The following KSR2 variants were observed in gnomAD, a reference collection of about 807,000 sequenced individuals.
KSR2 encodes kinase suppressor of ras 2.
KSR2 carries 25 observed loss-of-function variants against 107.8 expected under a neutral mutation model. The observed-to-expected ratio is 0.23, with a 90% CI of 0.17 to 0.32. The LOEUF is 0.32. Ranked by LOEUF, KSR2 falls within the 10% of genes least tolerant of loss-of-function variation. KSR2 has a pLI of 1.00. For missense variants in KSR2, 887 were observed against 1,268.9 expected (o/e 0.70, Z 4.57); for synonymous variants, 480 against 507.0 (o/e 0.95, Z 0.71).
chr12:117,722,547 TC>T (rs1406687394), intron 4 of KSR2, among the ~76,000 whole-genome samples: 2 of 152,096 alleles, frequency 1.3e-5, no homozygotes, highest in Non-Finnish European at 2.9e-5. Context: ...ACTGCTACAC[TC>T]CCACCAGCAT....
At position 117,803,403 on chromosome 12, in the gene KSR2, A is replaced by G. The variant is rs1366606049; in HGVS notation, c.473-41879T>C. 5.9e-5 allele frequency among the ~76,000 whole-genome samples: 9 copies of G among 152,300 alleles called. No individual in the cohort carries two copies. In the East Asian group the frequency reaches 1.7e-3, roughly 29 times the overall value. ...CCCCCGACCCCATGCTGGGGAGCTT[A>G]TAGAGAGAGTTGAAATTGGCCAGGC... is the stretch of plus-strand genomic sequence containing the variant. On this transcript the variant is annotated intron_variant, in intron 3 of 19. Transcript: ENST00000339824.
intron 1 of KSR2, among the ~76,000 whole-genome samples, chr12:117,936,357 C>A (rs1404163596): frequency 3.3e-5 from 5 of 151,984 alleles, no homozygotes; most frequent in African/African-American, 1.2e-4. Flanking sequence ...GACACGGTCT[C>A]AATCTGTTGC....
chr12:117,699,361 G>A lies in KSR2; in HGVS notation c.987-31703C>T, dbSNP rs182031012. Reference sequence around the variant, plus strand: ...CAGCAGCCCAATAAAGTACTCATGCGTCACTTAATAAGAGTGATACATCCT... The same window carrying A: ...CAGCAGCCCAATAAAGTACTCATGCATCACTTAATAAGAGTGATACATCCT... On this transcript the variant is annotated intron_variant, in intron 4 of 19. Coordinates refer to ENST00000339824, the MANE Select transcript of KSR2 (RefSeq NM_173598.6). 9.4e-4 allele frequency among the ~76,000 whole-genome samples: 143 copies of A among 152,280 alleles called. 1 individual carries two copies. The highest frequency in any genetic ancestry group is 2.8e-3 in the Admixed American group (43 of 15,302).
At chr12:117,904,692 G>A (rs1182832134) in intron 1 of KSR2, among the ~76,000 whole-genome samples, 2 of 152,086 alleles carry the variant, frequency 1.3e-5, no homozygotes, top group African/African-American at 2.4e-5. Flanking sequence ...AGAACATAGT[G>A]GCTTTAAGTA....
intron 11 of KSR2, among the ~76,000 whole-genome samples, chr12:117,531,262 G>T (rs1201238740): frequency 6.6e-6 from 1 of 152,068 alleles, no homozygotes; most frequent in Non-Finnish European, 1.5e-5. Context: ...CAAATATCTA[G>T]CCTGAAGCAT....
intron 3 of KSR2, among the ~76,000 whole-genome samples, chr12:117,831,098 A>T (rs369175981): frequency 6.6e-6 from 1 of 152,196 alleles, no homozygotes; most frequent in Admixed American, 6.5e-5. Flanking sequence ...AGAAACGCTG[A>T]TATTATTATC....
At chr12:117,689,119 A>T (rs919328429) in intron 4 of KSR2, among the ~76,000 whole-genome samples, 21 of 152,352 alleles carry the variant, frequency 1.4e-4, no homozygotes, top group African/African-American at 5.1e-4. Flanking sequence ...ATATGTCCAA[A>T]CATTATATAA....
chr12:117,942,823 A>G (rs999692979), intron 1 of KSR2, among the ~76,000 whole-genome samples: 8 of 152,150 alleles, frequency 5.3e-5, no homozygotes, highest in African/African-American at 1.9e-4. Context: ...GAAACAAATA[A>G]GAGTGCTTTA....
At position 117,948,484 on chromosome 12, in the gene KSR2, C is replaced by T. The variant is rs1328684355; in HGVS notation, c.180+19592G>A. Among the ~76,000 whole-genome samples the T allele has an allele frequency of 6.2e-5, 9 of 146,056 alleles. 1 individual carries two copies. Among genetic ancestry groups the T allele is most frequent in the East Asian group, 2.0e-4 (1 of 5,058 alleles). On this transcript the variant is annotated intron_variant, in intron 1 of 19. Transcript: ENST00000339824. Reference sequence around the variant, plus strand: ...CAGGCAGGGTGACAGAGCAAGACTCCGTCTCAAAAAAAAAAAAAAAATTAT... The same window carrying T: ...CAGGCAGGGTGACAGAGCAAGACTCTGTCTCAAAAAAAAAAAAAAAATTAT...
chr12:117,563,651 G>A (rs2137369622), intron 7 of KSR2, among the ~76,000 whole-genome samples: 1 of 152,276 alleles, frequency 6.6e-6, no homozygotes, highest in Non-Finnish European at 1.5e-5. Context: ...TTGTGCAGCA[G>A]CTTTCTACAG....
At chr12:117,566,093 ATT>A (rs34703705) in intron 7 of KSR2, among the ~76,000 whole-genome samples, 83,517 of 150,142 alleles carry the variant, frequency 0.56, 23,338 homozygotes, top group South Asian at 0.65. Context: ...CCCAGTAGTT[ATT>A]TTTTTTTTTT....
At position 117,907,444 on chromosome 12, in the gene KSR2, C is replaced by A. The variant is rs1310733293; in HGVS notation, c.181-47013G>T. ...GCTCAGCAGGTATCTCAGGTGAGAT[C>A]TGGTTTCTAGGTGAAGGCACAACAG... On this transcript the variant is annotated intron_variant, in intron 1 of 19. Transcript: ENST00000339824. This position sits in a 1 kb window ranked among gnomAD's most constrained non-coding sequence, Gnocchi z 4.3. 6.6e-6 allele frequency among the ~76,000 whole-genome samples: 1 copy of A among 152,164 alleles called. No homozygotes were observed. The highest frequency in any genetic ancestry group is 2.4e-5 in the African/African-American group (1 of 41,454).
chr12:117,862,010 T>C, intron 1 of KSR2, among the ~76,000 whole-genome samples: 1 of 151,840 alleles, frequency 6.6e-6, no homozygotes, highest in African/African-American at 2.4e-5. Flanking sequence ...TTTCTTTATA[T>C]ACATTTTTTT....
chr12:117,643,268 C>T (rs979728619), intron 5 of KSR2, among the ~76,000 whole-genome samples: 1 of 152,100 alleles, frequency 6.6e-6, no homozygotes, highest in Non-Finnish European at 1.5e-5. Flanking sequence ...TGGTGAAACC[C>T]CATCTCTCCT....
chr12:117,650,735 A>G (rs1047943204), intron 5 of KSR2, among the ~76,000 whole-genome samples: 5 of 152,210 alleles, frequency 3.3e-5, no homozygotes, highest in African/African-American at 1.2e-4. Flanking sequence ...AAGGAACACA[A>G]TGAAGCTGGT....
At chr12:117,943,840 A>G (rs996747559) in intron 1 of KSR2, among the ~76,000 whole-genome samples, 3 of 152,190 alleles carry the variant, frequency 2.0e-5, no homozygotes, top group African/African-American at 7.2e-5. Context: ...AGTTTCCCCC[A>G]TACTGTTCTT....
intron 1 of KSR2, among the ~76,000 whole-genome samples, chr12:117,894,616 T>C (rs1038110050): frequency 2.0e-4 from 31 of 152,162 alleles, no homozygotes; most frequent in East Asian, 5.8e-4. Context: ...TGGGAGGTGA[T>C]TGAATCATGG....
At chr12:117,707,218 G>C (rs1886561889) in intron 4 of KSR2, among the ~76,000 whole-genome samples, 1 of 152,146 alleles carries the variant, frequency 6.6e-6, no homozygotes, top group Admixed American at 6.5e-5. Flanking sequence ...ATTGCCAGGG[G>C]CTAGTTGGGA....
At chr12:117,699,156 G>A (rs911280496) in intron 4 of KSR2, among the ~76,000 whole-genome samples, 1 of 152,178 alleles carries the variant, frequency 6.6e-6, no homozygotes, top group Non-Finnish European at 1.5e-5. Context: ...ATGAAGACAG[G>A]GCCTTTGGAT....
Sources: allele counts gnomAD v4.1 joint callset (sites outside exome capture counted in the v4.1 genomes callset), GRCh38; gene constraint gnomAD v4.1.1; non-coding constraint Gnocchi (gnomAD v3.1); transcripts MANE v1.5; gene names NCBI Gene and HGNC (gene_info 2026-07-23, HGNC 2026-07-21).